Variants in CCDC178 observed in about 807,000 individuals in gnomAD.
CCDC178 encodes coiled-coil domain-containing protein 178.
In CCDC178, 126 loss-of-function variants were observed where a neutral mutation model predicts 117.4. That is an observed-to-expected ratio of 1.07 (90% confidence interval 0.93 to 1.24). The LOEUF is 1.24. CCDC178 is among the 50% of genes most tolerant of loss of function. The pLI is 0.00. For missense variants in CCDC178, 1,030 were observed against 986.9 expected (o/e 1.04, Z -0.59); for synonymous variants, 283 against 313.4 (o/e 0.90, Z 1.02).
chr18:33,295,782 A>T (rs1365134772), intron 11 of CCDC178, among the ~76,000 whole-genome samples: 4 of 152,184 alleles, frequency 2.6e-5, no homozygotes, highest in Non-Finnish European at 4.4e-5. Flanking sequence ...TTTTTAAAAA[A>T]ATAGTGTTCT....
chr18:32,938,675 A>G (rs2144577613), intron 22 of CCDC178, among the ~76,000 whole-genome samples: 2 of 152,302 alleles, frequency 1.3e-5, no homozygotes, highest in Admixed American at 1.3e-4. Flanking sequence ...TAAAATGTGT[A>G]TAATATATAT....
chr18:33,251,374 T>C (rs911315749), intron 14 of CCDC178, among the ~76,000 whole-genome samples: 1 of 151,684 alleles, frequency 6.6e-6, no homozygotes, highest in Non-Finnish European at 1.5e-5. Flanking sequence ...AATATGGTTA[T>C]TAGGAGTCAA....
chr18:33,160,419 CACT>C (rs945313182), intron 20 of CCDC178, among the ~76,000 whole-genome samples: 7 of 151,984 alleles, frequency 4.6e-5, no homozygotes, highest in Admixed American at 6.6e-5. Flanking sequence ...TACTGCAAAC[CACT>C]ACAAGTATTA....
chr18:33,072,770 T>A (rs759960696), intron 21 of CCDC178, among the ~76,000 whole-genome samples: 1 of 152,180 alleles, frequency 6.6e-6, no homozygotes, highest in African/African-American at 2.4e-5. Flanking sequence ...TTTCCTTGTA[T>A]AAAGGTAGAA....
intron 17 of CCDC178, among the ~76,000 whole-genome samples, chr18:33,223,925 T>C (rs16964449): frequency 6.6e-6 from 1 of 152,144 alleles, no homozygotes. Context: ...CCATGCTTCA[T>C]GACCTTATAC....
intron 22 of CCDC178, among the ~76,000 whole-genome samples, chr18:32,962,232 G>A (rs2054718611): frequency 6.6e-6 from 1 of 151,712 alleles, no homozygotes; most frequent in Admixed American, 6.6e-5. Flanking sequence ...TATATATACT[G>A]TAAATCTTAT....
chr18:33,069,669 C>A (rs948368113), intron 21 of CCDC178, among the ~76,000 whole-genome samples: 1 of 151,940 alleles, frequency 6.6e-6, no homozygotes, highest in Non-Finnish European at 1.5e-5. Context: ...CAAAAATAGA[C>A]AAATGAAACT....
intron 20 of CCDC178, among the ~76,000 whole-genome samples, chr18:33,115,942 G>A (rs1189567335): frequency 6.6e-6 from 1 of 151,950 alleles, no homozygotes; most frequent in Admixed American, 6.6e-5. Context: ...AGTTTATTTT[G>A]ACTAAATTGA....
chr18:33,266,835 C>A, intron 14 of CCDC178, 81 bp downstream of exon 14: 1 of 1,289,862 alleles, frequency 7.8e-7, no homozygotes, highest in Non-Finnish European at 1.0e-6. Flanking sequence ...CATATAACTC[C>A]AGGGACACAA....
intron 9 of CCDC178, among the ~76,000 whole-genome samples, chr18:33,335,094 A>T (rs2062721980): frequency 6.6e-6 from 1 of 151,950 alleles, no homozygotes; most frequent in South Asian, 2.1e-4. Flanking sequence ...AGCCAACTTC[A>T]GCTTTGCATC....
At chr18:33,130,281 G>A (rs911865962) in intron 20 of CCDC178, among the ~76,000 whole-genome samples, 1 of 151,850 alleles carries the variant, frequency 6.6e-6, no homozygotes, top group African/African-American at 2.4e-5. Context: ...TTTAACAACT[G>A]TAGTATTTTC....
At chr18:33,316,393 C>T (rs964865798) in intron 11 of CCDC178, among the ~76,000 whole-genome samples, 23 of 152,184 alleles carry the variant, frequency 1.5e-4, no homozygotes, top group Non-Finnish European at 2.8e-4. Flanking sequence ...GATTTCTCCC[C>T]GGGCCTTAGC....
chr18:33,087,770 T>C (rs995408169), intron 21 of CCDC178, among the ~76,000 whole-genome samples: 1 of 152,182 alleles, frequency 6.6e-6, no homozygotes, highest in African/African-American at 2.4e-5. Context: ...AGCACAGTTA[T>C]ATGGTGTGCA....
chr18:33,373,538 T>C (rs1307148416), intron 5 of CCDC178, among the ~76,000 whole-genome samples: 1 of 152,166 alleles, frequency 6.6e-6, no homozygotes, highest in Non-Finnish European at 1.5e-5. Context: ...CAAATTACAA[T>C]TTATATACAA....
intron 22 of CCDC178, among the ~76,000 whole-genome samples, chr18:32,963,000 T>C (rs1233631283): frequency 6.6e-6 from 1 of 152,046 alleles, no homozygotes; most frequent in Non-Finnish European, 1.5e-5. Context: ...TCTGGACTTA[T>C]TAAAGACCTT....
Position 33,293,202 on chromosome 18 carries a change from T to C in CCDC178, c.1133A>G (p.Glu378Gly). 1 of 1,595,112 alleles carries C rather than the reference T, an allele frequency of 6.3e-7. No individual in the cohort carries two copies. The highest frequency in any genetic ancestry group is 8.6e-7 in the Non-Finnish European group (1 of 1,166,932). Residue 378 changes from glutamate to glycine, a missense_variant, in exon 12 of 23, where the codon GAA (glutamate) becomes GGA (glycine). Transcript: ENST00000383096. ...TAATTCATTTTTTGATGACTTTGTT[T>C]CCCTTATTGCTTCAGTCACTTCCTC... ...KEEEVTEAIR[E>G]TKSSKNELHS...
chr18:33,077,403 T>C (rs1044242204), intron 21 of CCDC178, among the ~76,000 whole-genome samples: 6 of 152,294 alleles, frequency 3.9e-5, no homozygotes, highest in Middle Eastern at 3.4e-3. Context: ...AGAGACAGGA[T>C]CTTTACTGAG....
At chr18:32,953,077 TA>T (rs535427545) in intron 22 of CCDC178, among the ~76,000 whole-genome samples, 48 of 152,242 alleles carry the variant, frequency 3.2e-4, no homozygotes, top group African/African-American at 1.1e-3. Context: ...TGGCCAATTT[TA>T]CGAACTTTTA....
intron 2 of CCDC178, among the ~76,000 whole-genome samples, chr18:33,436,258 T>A (rs1414159135): frequency 2.0e-5 from 3 of 152,140 alleles, no homozygotes; most frequent in African/African-American, 7.2e-5. Context: ...GTCCATTTCA[T>A]CTAGCAGAAG....
Sources: allele counts gnomAD v4.1 joint callset (sites outside exome capture counted in the v4.1 genomes callset), GRCh38; gene constraint gnomAD v4.1.1; transcripts MANE v1.5; gene names NCBI Gene and HGNC (gene_info 2026-07-23, HGNC 2026-07-21).